DAB1: variants seen among roughly 807,000 people sequenced by gnomAD.
The protein encoded by DAB1 is disabled homolog 1.
In DAB1, 15 loss-of-function variants were observed where a neutral mutation model predicts 64.6. The observed-to-expected ratio is 0.23, with a 90% CI of 0.16 to 0.36. The LOEUF is 0.36. Ranked by LOEUF, DAB1 falls within the 10% of genes least tolerant of loss-of-function variation. The pLI is 1.00. For synonymous variants in DAB1, 235 were observed against 251.9 expected (o/e 0.93, Z 0.64); for missense variants, 596 against 706.7 (o/e 0.84, Z 1.78).
chr1:57,010,278 A>C lies in DAB1; in HGVS notation c.*15+402T>G, dbSNP rs183183787. ...CAAAATGTTGATGCTTCCAGAAACT[A>C]AATGCATGCTAAGTAGCATGGACCA... On this transcript the variant is annotated intron_variant, in intron 14 of 14. Transcript: ENST00000371236. 2.0e-4 allele frequency among the ~76,000 whole-genome samples: 31 copies of C among 152,266 alleles called. 1 individual carries two copies. Among genetic ancestry groups the C allele is most frequent in the African/African-American group, 7.5e-4 (31 of 41,554 alleles).
intron 2 of DAB1, among the ~76,000 whole-genome samples, chr1:57,195,020 ACAGAAAATG>A (rs1664509199): frequency 6.6e-6 from 1 of 152,204 alleles, no homozygotes; most frequent in Admixed American, 6.5e-5. Context: ...AGGGAAATGG[ACAGAAAATG>A]ATTAATGAAT....
chr1:58,376,171 T>G (rs1644323434), intron 3 of DAB1, among the ~76,000 whole-genome samples: 1 of 151,332 alleles, frequency 6.6e-6, no homozygotes, highest in Non-Finnish European at 1.5e-5. Context: ...TTTTTGTCTC[T>G]ATTTCCTTCA....
chr1:57,246,569 C>A (rs1432262347), intron 2 of DAB1, among the ~76,000 whole-genome samples: 5 of 152,234 alleles, frequency 3.3e-5, no homozygotes, highest in Non-Finnish European at 7.3e-5. Flanking sequence ...TTGGAGCCCC[C>A]CTACCCCACA....
chr1:57,680,194 TAGAAA>T (rs2101696504), intron 6 of DAB1, among the ~76,000 whole-genome samples: 1 of 152,338 alleles, frequency 6.6e-6, no homozygotes, highest in African/African-American at 2.4e-5. Flanking sequence ...GGATCGAAGA[TAGAAA>T]AGAAAAGTCC....
At chr1:57,354,557 T>C (rs1678906701) in intron 1 of DAB1, among the ~76,000 whole-genome samples, 1 of 152,130 alleles carries the variant, frequency 6.6e-6, no homozygotes, top group East Asian at 1.9e-4. Flanking sequence ...ATGTACGCTA[T>C]ACACTTACAT....
chr1:58,337,154 G>A (rs1331727853), intron 4 of DAB1, among the ~76,000 whole-genome samples: 11 of 151,666 alleles, frequency 7.3e-5, no homozygotes, highest in Admixed American at 7.2e-4. Context: ...TGGCGATGCG[G>A]GCCTGTAATC....
chr1:57,067,862 C>A (rs1651077013), intron 8 of DAB1, among the ~76,000 whole-genome samples: 1 of 152,162 alleles, frequency 6.6e-6, no homozygotes, highest in African/African-American at 2.4e-5. Flanking sequence ...TCTTTCCATT[C>A]TACACATGAG....
At chr1:58,142,882 C>T (rs1267341676) in intron 5 of DAB1, among the ~76,000 whole-genome samples, 1 of 152,176 alleles carries the variant, frequency 6.6e-6, no homozygotes, top group Non-Finnish European at 1.5e-5. Context: ...TTATAAGAAT[C>T]AGTTGCCTGA....
chr1:57,233,806 C>A (rs1569991994), intron 2 of DAB1, among the ~76,000 whole-genome samples: 1 of 151,878 alleles, frequency 6.6e-6, no homozygotes, highest in Non-Finnish European at 1.5e-5. Context: ...GTGAGTGGTA[C>A]GGCTTCCTCT....
In DAB1 at chr1:57,329,119, TACA is replaced by T. The variant is rs1396721788; in HGVS notation, c.-136-37956_-136-37954del. On this transcript the variant is annotated intron_variant, in intron 1 of 14. Coordinates refer to ENST00000371236, the MANE Select transcript of DAB1 (RefSeq NM_001365792.1). ...TTCATTCCACAATCCTCACACAGCCTACAACAATGGCCCCCAAAGCAGCTGGAG... is the reference window on the plus strand; with the variant it reads ...TTCATTCCACAATCCTCACACAGCCTACAATGGCCCCCAAAGCAGCTGGAG... 2.0e-5 allele frequency among the ~76,000 whole-genome samples: 3 copies of T among 152,194 alleles called. No individual in the cohort carries two copies. The East Asian group carries it at 5.8e-4, about 29-fold the overall frequency.
intron 3 of DAB1, among the ~76,000 whole-genome samples, chr1:58,505,205 G>A (rs1645968703): frequency 6.6e-6 from 1 of 152,146 alleles, no homozygotes; most frequent in Non-Finnish European, 1.5e-5. Flanking sequence ...ACCCACCTCA[G>A]CCTCCCAAAA....
At chr1:57,974,032 C>T (rs184389091) in intron 5 of DAB1, among the ~76,000 whole-genome samples, 50 of 152,246 alleles carry the variant, frequency 3.3e-4, no homozygotes, top group African/African-American at 1.1e-3. Flanking sequence ...CTTTATTTCA[C>T]CCCACCCCTG....
chr1:57,094,613 G>T (rs1380050247), intron 4 of DAB1, among the ~76,000 whole-genome samples: 1 of 152,148 alleles, frequency 6.6e-6, no homozygotes, highest in African/African-American at 2.4e-5. Context: ...GGATGGGAAG[G>T]ATTCATTTCA....
intron 4 of DAB1, among the ~76,000 whole-genome samples, chr1:58,190,343 T>G (rs1486406998): frequency 1.3e-5 from 2 of 152,190 alleles, no homozygotes; most frequent in East Asian, 3.8e-4. Flanking sequence ...TTCCTGACAC[T>G]GACAACACCT....
intron 5 of DAB1, among the ~76,000 whole-genome samples, chr1:58,107,661 T>C (rs191527640): frequency 1.0e-3 from 153 of 151,992 alleles, no homozygotes; most frequent in African/African-American, 3.5e-3. Flanking sequence ...TTGTCACCCA[T>C]GCTGAAGTGC....
intron 1 of DAB1, among the ~76,000 whole-genome samples, chr1:57,295,592 A>C (rs1439641479): frequency 6.6e-6 from 1 of 152,152 alleles, no homozygotes; most frequent in Admixed American, 6.6e-5. Context: ...TTGGAAGATA[A>C]ATGAGATTTG....
At chr1:58,318,918 C>G (rs1662618658) in intron 4 of DAB1, among the ~76,000 whole-genome samples, 1 of 152,146 alleles carries the variant, frequency 6.6e-6, no homozygotes, top group African/African-American at 2.4e-5. Context: ...ATGGTGATAA[C>G]ATTGGTTCTA....
chr1:58,240,599 C>T (rs762853219), intron 4 of DAB1, among the ~76,000 whole-genome samples: 13 of 152,150 alleles, frequency 8.5e-5, no homozygotes, highest in Non-Finnish European at 1.9e-4. Context: ...ATCCTAATTG[C>T]TTGAGATGGC....
At chr1:58,387,883 C>T (rs966813033) in intron 3 of DAB1, among the ~76,000 whole-genome samples, 5 of 151,924 alleles carry the variant, frequency 3.3e-5, no homozygotes, top group Non-Finnish European at 5.9e-5. Context: ...CCCGCCACCA[C>T]GCCTGGTTAA....
Sources: allele counts gnomAD v4.1 joint callset (sites outside exome capture counted in the v4.1 genomes callset), GRCh38; gene constraint gnomAD v4.1.1; transcripts MANE v1.5; gene names NCBI Gene and HGNC (gene_info 2026-07-23, HGNC 2026-07-21).